Variants in AP2A1 observed in about 807,000 individuals in gnomAD.
AP2A1 encodes the protein AP-2 complex subunit alpha-1.
In AP2A1, 21 loss-of-function variants were observed where a neutral mutation model predicts 107.3. The observed-to-expected ratio is 0.20, with a 90% CI of 0.14 to 0.28. The LOEUF (loss-of-function observed/expected upper bound fraction) is 0.28, where lower values mean the gene tolerates loss of function less well. Ranked by LOEUF, AP2A1 falls within the 10% of genes least tolerant of loss-of-function variation. The pLI is 1.00. For missense variants in AP2A1, 873 were observed against 1,307.7 expected (o/e 0.67, Z 5.13); for synonymous variants, 602 against 564.8 (o/e 1.07, Z -0.93).
In AP2A1 at chr19:49,793,053, C is replaced by T. The variant is rs967028900; in HGVS notation, c.666C>T (p.Phe222=). The change falls in exon 6 of 23, where the codon TTC becomes TTT. Residue 222 remains phenylalanine (F), a synonymous_variant. Coordinates refer to ENST00000354293, the MANE Select transcript of AP2A1 (RefSeq NM_130787.3). ...TCLCKKNPDD[F]KTCVSLAVSR... is the part of the protein sequence containing the mutation. ...TCTGCAAGAAGAACCCAGATGACTT[C>T]AAGACGTGCGTCTCTCTGGCTGTGT... The T allele has an allele frequency of 4.3e-6, 7 of 1,610,434 alleles. No individual in the cohort carries two copies. The highest frequency in any genetic ancestry group is 2.2e-5 in the East Asian group (1 of 44,772).
chr19:49,806,784 T>G lies in AP2A1; in HGVS notation c.*26T>G, dbSNP rs1471053227. ...GCCCTGGACTCTGCCCCGGGGGATGTGGCCGGCACTGGGCAGCCCCTTGGA... is the reference window on the plus strand; with the variant it reads ...GCCCTGGACTCTGCCCCGGGGGATGGGGCCGGCACTGGGCAGCCCCTTGGA... On this transcript the variant is annotated 3_prime_UTR_variant, in exon 23 of 23. Coordinates refer to ENST00000354293, the MANE Select transcript of AP2A1 (RefSeq NM_130787.3). 1.7e-5 allele frequency: 27 copies of G among 1,613,234 alleles called. No homozygotes were observed. The highest frequency in any genetic ancestry group is 2.0e-5 in the Non-Finnish European group (24 of 1,179,818).
At chr19:49,791,381 C>T (rs2073141163) in intron 4 of AP2A1, among the ~76,000 whole-genome samples, 1 of 152,146 alleles carries the variant, frequency 6.6e-6, no homozygotes, top group South Asian at 2.1e-4. Flanking sequence ...AAGCCTGCGC[C>T]ACCACACCCA....
intron 1 of AP2A1, among the ~76,000 whole-genome samples, chr19:49,779,710 G>A (rs941671629): frequency 1.3e-5 from 2 of 152,116 alleles, no homozygotes; most frequent in Non-Finnish European, 2.9e-5. Flanking sequence ...GAGCCACCAC[G>A]CCTAGCCCCT....
intron 4 of AP2A1, 146 bp from the exon 5 acceptor site, chr19:49,791,789 G>A (rs759116227): frequency 6.4e-5 from 67 of 1,039,250 alleles, no homozygotes; most frequent in East Asian, 4.5e-4. Flanking sequence ...TGAGGTCAGC[G>A]CCAGACTGGA....
At chr19:49,767,328 G>A in intron 1 of AP2A1, 128 bp downstream of exon 1, 2 of 1,188,146 alleles carry the variant, frequency 1.7e-6, no homozygotes, top group Non-Finnish European at 2.4e-6. Context: ...AGCATAGATG[G>A]GCCCCAGGAA....
chr19:49,805,487 G>C lies in AP2A1; in HGVS notation c.2379G>C (p.Gln793His). The C allele has an allele frequency of 6.4e-7, 1 of 1,553,544 alleles. No individual in the cohort carries two copies. Among genetic ancestry groups the C allele is most frequent in the Non-Finnish European group, 8.7e-7 (1 of 1,148,894 alleles). Residue 793 changes from glutamine to histidine, a missense_variant, in exon 19 of 23, where the codon CAG becomes CAC. Physicochemically the swap from Gln to His is conservative, Grantham distance 24 (BLOSUM62 0). Around this residue, in one of 4 missense-constraint regions of AP2A1, gnomAD observed 416 missense variants for 473.4 expected, o/e 0.88. Transcript: ENST00000354293. ...TGCAGACCAAGCGCGTGGCGGCGCA[G>C]GTGGACGGCGGCGCGCAGGTGCAGC... The part of the protein sequence containing the change: ...LAVQTKRVAA[Q>H]VDGGAQVQQV...
At chr19:49,803,576 T>C in intron 18 of AP2A1, 200 bp downstream of exon 18, 1 of 598,590 alleles carries the variant, frequency 1.7e-6, no homozygotes, top group South Asian at 2.0e-5. Flanking sequence ...TGAAGTGGTG[T>C]GTGGGAGGCT....
At position 49,802,147 on chromosome 19, in the gene AP2A1, AC is replaced by A. The variant is rs1174620828; in HGVS notation, c.2114+11del. ...CCCGAGGAGGCCTTCCTCAGGTAGC[AC>A]CCCCTGGGCCCGGGCCCCTTCTCGC... On this transcript the variant is annotated splice_region_variant and intron_variant, in intron 15 of 22. Transcript: ENST00000354293. 2 of 1,542,118 alleles carry A rather than the reference AC, an allele frequency of 1.3e-6. No homozygotes were observed. The highest frequency in any genetic ancestry group is 4.8e-5 in the East Asian group (2 of 41,804).
chr19:49,769,841 C>T (rs1037594630), intron 1 of AP2A1, among the ~76,000 whole-genome samples: 2 of 152,056 alleles, frequency 1.3e-5, no homozygotes, highest in Non-Finnish European at 2.9e-5. Flanking sequence ...GCTGGCTTAA[C>T]AGGGTGAGAA....
At chr19:49,804,707 T>C (rs1266293564) in intron 18 of AP2A1, among the ~76,000 whole-genome samples, 1 of 152,202 alleles carries the variant, frequency 6.6e-6, no homozygotes, top group South Asian at 2.1e-4. Context: ...GTACTTACCA[T>C]GTGCCGGGCA....
intron 4 of AP2A1, among the ~76,000 whole-genome samples, chr19:49,783,292 C>T (rs1466059943): frequency 6.6e-6 from 1 of 152,118 alleles, no homozygotes; most frequent in Non-Finnish European, 1.5e-5. Context: ...AGTTTGAGAC[C>T]AGCCTGGGCA....
In AP2A1 at chr19:49,801,966, C is replaced by T. The variant is rs1193598344; in HGVS notation, c.1954-15C>T. The stretch of plus-strand genomic sequence containing the variant: ...GGGCGCCGCCTGTCCTCACCGTGAC[C>T]TGCGCTTCCTACAGTCGACGCCCTC... On this transcript the variant is annotated splice_polypyrimidine_tract_variant and intron_variant, in intron 14 of 22. Transcript: ENST00000354293. 2 of 1,481,824 alleles carry T rather than the reference C, an allele frequency of 1.3e-6. No homozygotes were observed. Among genetic ancestry groups the T allele is most frequent in the East Asian group, 2.4e-5 (1 of 41,192 alleles). 91.8% of individuals were successfully genotyped at this position (1,481,824 alleles called of 1,614,324 possible). A position where few individuals can be genotyped will look rare whatever the true frequency, so the allele number is the denominator to read the frequency against.
At chr19:49,778,195 T>C (rs2084636502) in intron 1 of AP2A1, among the ~76,000 whole-genome samples, 1 of 152,202 alleles carries the variant, frequency 6.6e-6, no homozygotes, top group Admixed American at 6.6e-5. Context: ...TTTGTTGTGG[T>C]GTGAACATCC....
Position 49,806,759 on chromosome 19 carries a change from G to A in AP2A1, c.*1G>A, listed in dbSNP as rs772667681. The A allele has an allele frequency of 6.0e-5, 97 of 1,613,686 alleles. 1 individual carries two copies. The South Asian group carries it at 8.8e-4, about 15-fold the overall frequency. ...TGAGCTGCTGGCACAGCAGTTCTGA[G>A]CCCTGGACTCTGCCCCGGGGGATGT... is the stretch of plus-strand genomic sequence containing the variant. On this transcript the variant is annotated 3_prime_UTR_variant, in exon 23 of 23. Coordinates refer to ENST00000354293, the MANE Select transcript of AP2A1 (RefSeq NM_130787.3).
In AP2A1 at chr19:49,780,452, C is replaced by T. The variant is rs143930118; in HGVS notation, c.68-1305C>T. Among the ~76,000 whole-genome samples, 12 of 152,156 alleles carry T rather than the reference C, an allele frequency of 7.9e-5. No individual in the cohort carries two copies. The East Asian group carries it at 1.9e-3, about 25-fold the overall frequency. Reference sequence around the variant, plus strand: ...TGAGGCAAGAGGATGTGCGTGTTCCCGGAGCAAAATGGAGGCCAGGGGGCC... The same window carrying T: ...TGAGGCAAGAGGATGTGCGTGTTCCTGGAGCAAAATGGAGGCCAGGGGGCC... On this transcript the variant is annotated intron_variant, in intron 1 of 22. Coordinates refer to ENST00000354293, the MANE Select transcript of AP2A1 (RefSeq NM_130787.3).
At position 49,805,914 on chromosome 19, in the gene AP2A1, C is replaced by T. The variant is rs180695333; in HGVS notation, c.2628C>T (p.Pro876=). Reference sequence around the variant, plus strand: ...AGAAAATCTTCAAAGCCAACCACCCCATGGACGCAGAAGTTACTAAGGCCA... The same window carrying T: ...AGAAAATCTTCAAAGCCAACCACCCTATGGACGCAGAAGTTACTAAGGCCA... ...EAQKIFKANH[P]MDAEVTKAKL... The change falls in exon 21 of 23, where the codon CCC becomes CCT. Residue 876 remains proline, a synonymous_variant. Transcript: ENST00000354293. 3.3e-4 allele frequency: 530 copies of T among 1,613,854 alleles called. 6 individuals carry two copies. In the East Asian group the frequency reaches 0.011, roughly 34 times the overall value.
chr19:49,786,430 C>T (rs1184197370), intron 4 of AP2A1, among the ~76,000 whole-genome samples: 7 of 152,334 alleles, frequency 4.6e-5, no homozygotes, highest in African/African-American at 1.4e-4. Context: ...AGTTTGGACT[C>T]GCTGCAGTTC....
chr19:49,773,524 T>C (rs2084586460), intron 1 of AP2A1, among the ~76,000 whole-genome samples: 1 of 152,194 alleles, frequency 6.6e-6, no homozygotes, highest in South Asian at 2.1e-4. Context: ...GAACCAGTCT[T>C]TCTTGAGTTC....
At chr19:49,802,200 G>C in intron 15 of AP2A1, 59 bp downstream of exon 15, 6 of 1,401,110 alleles carry the variant, frequency 4.3e-6, no homozygotes, top group Non-Finnish European at 5.9e-6. Flanking sequence ...GTCCCTTCTC[G>C]GCCTCTGTCC....
Sources: allele counts gnomAD v4.1 joint callset (sites outside exome capture counted in the v4.1 genomes callset), GRCh38; gene constraint gnomAD v4.1.1; regional missense constraint gnomAD v4.1.1; transcripts MANE v1.5; gene names NCBI Gene and HGNC (gene_info 2026-07-23, HGNC 2026-07-21).